Variants in BRI3 observed in about 807,000 individuals in gnomAD.
The protein encoded by BRI3 is brain protein I3, also known as membrane protein BRI3.
Under a neutral mutation model 12.8 loss-of-function variants are expected in BRI3, and 6 were observed. That is an observed-to-expected ratio of 0.47 (90% CI 0.26 to 0.93). BRI3 has a LOEUF of 0.93. BRI3 is among the 40% of genes least tolerant of loss of function. BRI3 has a pLI of 0.15. For missense variants in BRI3, 134 were observed against 171.1 expected (o/e 0.78, Z 1.21); for synonymous variants, 91 against 76.1 (o/e 1.20, Z -1.02).
chr7:98,315,953 C>T, the BRI3 span, among the ~76,000 whole-genome samples: 3 of 152,192 alleles, frequency 2.0e-5, no homozygotes, highest in Non-Finnish European at 4.4e-5. Flanking sequence ...AACCCAGTTC[C>T]AAATGCCAAC....
chr7:98,306,418 C>T, upstream of BRI3: 1 of 1,613,890 alleles, frequency 6.2e-7, no homozygotes, highest in Non-Finnish European at 8.5e-7. Flanking sequence ...ACCGGGAGAG[C>T]TCAGCCACGT....
chr7:98,306,557 C>T, exon 1 of BRI3: 1 of 1,613,928 alleles, frequency 6.2e-7, no homozygotes, highest in South Asian at 1.1e-5. Flanking sequence ...CAGCAGTAGA[C>T]ATGTGGACGG....
intron 2 of BRI3, among the ~76,000 whole-genome samples, chr7:98,288,227 C>A (rs1350024449): frequency 6.6e-6 from 1 of 152,234 alleles, no homozygotes; most frequent in Admixed American, 6.5e-5. Context: ...CACTGGCTCC[C>A]TCCAGCTCCC....
chr7:98,298,719 CA>C (rs1487446907), intron 1 of BRI3, among the ~76,000 whole-genome samples: 1 of 152,158 alleles, frequency 6.6e-6, no homozygotes, highest in Non-Finnish European at 1.5e-5. Flanking sequence ...CTGGTTTAGG[CA>C]TTTTGGTTAG....
At chr7:98,299,816 G>A (rs1229988117) in intron 1 of BRI3, among the ~76,000 whole-genome samples, 3 of 152,150 alleles carry the variant, frequency 2.0e-5, no homozygotes, top group Non-Finnish European at 4.4e-5. Flanking sequence ...TGAGGCGGGA[G>A]GATCACCTGA....
chr7:98,287,536 C>T (rs891088004), intron 2 of BRI3, among the ~76,000 whole-genome samples: 29 of 152,150 alleles, frequency 1.9e-4, no homozygotes, highest in Admixed American at 1.6e-3. Flanking sequence ...AGAGAGGCGC[C>T]GGGGCCTGGG....
intron 2 of BRI3, among the ~76,000 whole-genome samples, chr7:98,290,271 C>T (rs1395975965): frequency 6.8e-6 from 1 of 147,372 alleles, no homozygotes; most frequent in Non-Finnish European, 1.5e-5. Context: ...TCTCGGCTCA[C>T]TGCAAGCTCC....
exon 2 of BRI3, chr7:98,308,661 G>GA (rs201693243): frequency 2.3e-4 from 53 of 226,892 alleles, no homozygotes; most frequent in South Asian, 1.2e-3. Flanking sequence ...AAAAAAGGTA[G>GA]AAAAAAATAT....
exon 2 of BRI3, chr7:98,308,428 C>T (rs1800747283): frequency 2.7e-6 from 1 of 376,996 alleles, no homozygotes; most frequent in Admixed American, 3.3e-5. Context: ...AGAGTCCTCA[C>T]CAGGTGCCAG....
chr7:98,304,791 T>C (rs1435980683), upstream of BRI3, among the ~76,000 whole-genome samples: 1 of 151,996 alleles, frequency 6.6e-6, no homozygotes, highest in Non-Finnish European at 1.5e-5. Flanking sequence ...TCAGCTGGGA[T>C]TACAGCATGA....
chr7:98,297,963 G>T (rs1317059657), downstream of BRI3, among the ~76,000 whole-genome samples: 1 of 152,264 alleles, frequency 6.6e-6, no homozygotes, highest in Non-Finnish European at 1.5e-5. Flanking sequence ...GGGCACAGTG[G>T]CTCACGCCTG....
intron 1 of BRI3, among the ~76,000 whole-genome samples, 171 bp from the exon 2 acceptor site, chr7:98,282,180 G>T (rs1187565964): frequency 6.6e-6 from 1 of 152,214 alleles, no homozygotes; most frequent in Non-Finnish European, 1.5e-5. Flanking sequence ...GTCACGAGGC[G>T]CTCGCTGTTG....
exon 2 of BRI3, chr7:98,309,422 G>A (rs926313830): frequency 6.6e-6 from 1 of 152,116 alleles, no homozygotes; most frequent in Admixed American, 6.6e-5. Flanking sequence ...CAAAGTGCTG[G>A]GATTACAGGC....
At chr7:98,292,648 G>A, downstream of BRI3, 1 of 1,551,668 alleles carries the variant, frequency 6.4e-7, no homozygotes, top group East Asian at 2.4e-5. Flanking sequence ...GGCACCAGAG[G>A]TCATCCTGGC....
downstream of BRI3, among the ~76,000 whole-genome samples, chr7:98,293,817 T>C (rs937888223): frequency 2.0e-5 from 3 of 152,266 alleles, no homozygotes; most frequent in Non-Finnish European, 4.4e-5. Context: ...TTAAGCGTTC[T>C]GGACGTGGGC....
rs199631304 is a variant in BRI3 at position 98,307,699 on chromosome 7, C to T, written n.329C>T. 5.9e-5 allele frequency: 96 copies of T among 1,614,014 alleles called. No homozygotes were observed. Among genetic ancestry groups the T allele is most frequent in the African/African-American group, 2.7e-5 (2 of 75,052 alleles). ...CACGCCCAGACTTACGCCTTGGACA[C>T]GTCGTGTTCTCCATAGAGCCAGCCA... On this transcript the variant is annotated non_coding_transcript_exon_variant, in exon 2 of 2. Transcript: ENST00000485422.
At chr7:98,298,099 T>C (rs910503051) in intron 1 of BRI3, among the ~76,000 whole-genome samples, 1 of 152,128 alleles carries the variant, frequency 6.6e-6, no homozygotes, top group African/African-American at 2.4e-5. Context: ...TCACGTGACC[T>C]GTGGCAAACC....
upstream of BRI3, chr7:98,304,346 C>G (rs143746300): frequency 1.9e-6 from 3 of 1,613,698 alleles, no homozygotes; most frequent in African/African-American, 4.0e-5. Context: ...CAGACAAGTT[C>G]ACGGTGCTGA....
upstream of BRI3, among the ~76,000 whole-genome samples, chr7:98,305,057 T>TTG (rs1554410684): frequency 7.0e-6 from 1 of 142,162 alleles, no homozygotes; most frequent in Non-Finnish European, 1.5e-5. Flanking sequence ...GTTTTTTTTT[T>TTG]TTTTTTTTTT....
Sources: gnomAD v4.1 joint callset for allele counts (sites outside exome capture counted in the v4.1 genomes callset) on GRCh38, gnomAD v4.1.1 for gene constraint, MANE v1.5 for transcripts, NCBI Gene and HGNC (gene_info 2026-07-23, HGNC 2026-07-21) for gene names.